Variants in SYNDIG1 observed in about 807,000 individuals in gnomAD.
SYNDIG1 encodes the protein synapse differentiation-inducing gene protein 1.
Under a neutral mutation model 19.4 loss-of-function variants are expected in SYNDIG1, and 9 were observed. The observed-to-expected ratio is 0.46, with a 90% CI of 0.28 to 0.81. SYNDIG1 has a LOEUF of 0.81. Among genes scored for constraint, SYNDIG1 ranks in the 30% least tolerant of loss-of-function variants. SYNDIG1 has a pLI of 0.12. For missense variants in SYNDIG1, 311 were observed against 343.3 expected (o/e 0.91, Z 0.74); for synonymous variants, 141 against 145.9 (o/e 0.97, Z 0.24).
intron 2 of SYNDIG1, among the ~76,000 whole-genome samples, chr20:24,578,387 G>A (rs1258248094): frequency 2.0e-5 from 3 of 150,726 alleles, no homozygotes; most frequent in Non-Finnish European, 2.9e-5. Flanking sequence ...AGGTTGCAGC[G>A]AGCCCCAATC....
intron 1 of SYNDIG1, among the ~76,000 whole-genome samples, chr20:24,495,017 A>T (rs891058319): frequency 1.3e-5 from 2 of 152,240 alleles, no homozygotes; most frequent in African/African-American, 4.8e-5. Flanking sequence ...GGTAGAACTC[A>T]GTTACAAGAA....
intron 1 of SYNDIG1, chr20:24,495,741 G>A (rs1182574563): frequency 6.6e-6 from 1 of 152,268 alleles, no homozygotes; most frequent in Non-Finnish European, 1.5e-5. Flanking sequence ...GTACTCACAT[G>A]GGATCACATT....
intron 1 of SYNDIG1, among the ~76,000 whole-genome samples, chr20:24,530,797 T>G (rs947117196): frequency 5.3e-5 from 8 of 151,528 alleles, no homozygotes; most frequent in African/African-American, 2.0e-4. Flanking sequence ...GTTTGTTTGT[T>G]TTTTGGGTTT....
chr20:24,537,987 C>T (rs999563647), intron 1 of SYNDIG1, among the ~76,000 whole-genome samples: 1 of 152,150 alleles, frequency 6.6e-6, no homozygotes, highest in South Asian at 2.1e-4. Flanking sequence ...TGATTTTAAA[C>T]AAGTCCCAGA....
At chr20:24,660,813 G>A (rs2059576144) in intron 3 of SYNDIG1, among the ~76,000 whole-genome samples, 1 of 152,208 alleles carries the variant, frequency 6.6e-6, no homozygotes, top group Non-Finnish European at 1.5e-5. Context: ...TCTGGTCCCT[G>A]GAGAACACCT....
intron 1 of SYNDIG1, among the ~76,000 whole-genome samples, chr20:24,530,011 T>TTCCCAGTGATAGTGTCAGTGGTGGG (rs1568614839): frequency 1.7e-3 from 88 of 51,366 alleles, no homozygotes; most frequent in South Asian, 6.3e-3. Flanking sequence ...GTGGGGATAA[T>TTCCCAGTGATAGTGTCAGTGGTGGG]GATGGTGATG....
chr20:24,498,517 C>G (rs2056358016), intron 1 of SYNDIG1, among the ~76,000 whole-genome samples: 1 of 152,200 alleles, frequency 6.6e-6, no homozygotes, highest in African/African-American at 2.4e-5. Context: ...ATTCCCATCT[C>G]CCGTTCCCTG....
intron 3 of SYNDIG1, among the ~76,000 whole-genome samples, chr20:24,651,587 A>G (rs901954095): frequency 4.6e-5 from 7 of 152,230 alleles, no homozygotes; most frequent in East Asian, 1.9e-4. Flanking sequence ...CTAATACAAA[A>G]TGAGCTAAGG....
chr20:24,532,072 AC>A (rs2057271839), intron 1 of SYNDIG1, among the ~76,000 whole-genome samples: 1 of 151,698 alleles, frequency 6.6e-6, no homozygotes, highest in South Asian at 2.1e-4. Context: ...CCATTCCCTC[AC>A]CCCAGAGGTA....
At chr20:24,587,600 A>G (rs1421364099) in intron 3 of SYNDIG1, among the ~76,000 whole-genome samples, 2 of 152,238 alleles carry the variant, frequency 1.3e-5, no homozygotes, top group Non-Finnish European at 2.9e-5. Flanking sequence ...AACAGATGCA[A>G]TCTGAGAATC....
chr20:24,483,938 G>A (rs1350717922), intron 1 of SYNDIG1, among the ~76,000 whole-genome samples: 1 of 152,192 alleles, frequency 6.6e-6, no homozygotes, highest in Non-Finnish European at 1.5e-5. Flanking sequence ...AGAGTGACTA[G>A]CCTGGAGGAG....
At chr20:24,550,166 T>A (rs2057676969) in intron 2 of SYNDIG1, among the ~76,000 whole-genome samples, 1 of 152,228 alleles carries the variant, frequency 6.6e-6, no homozygotes, top group East Asian at 1.9e-4. Context: ...TTCTACCCAG[T>A]ATTTCCCTGA....
Position 24,665,461 on chromosome 20 carries a change from C to G in SYNDIG1, c.734C>G (p.Ala245Gly), listed in dbSNP as rs2059639739. The change falls in exon 4 of 4, where the codon GCC (alanine) becomes GGC (glycine). Residue 245 changes from alanine to glycine, a missense_variant. Ala to Gly is a moderately conservative substitution (Grantham distance 60). Transcript: ENST00000376862. ...GGGACTGGCGTCTATGTGGGCGTGG[C>G]CGTGGCCCTCATCGCCTACCTCTCC... ...TIGTGVYVGV[A>G]VALIAYLSKN... The G allele has an allele frequency of 6.2e-7, 1 of 1,614,026 alleles. No homozygotes were observed. Among genetic ancestry groups the G allele is most frequent in the Non-Finnish European group, 8.5e-7 (1 of 1,179,988 alleles).
chr20:24,484,048 T>C (rs2055883620), intron 1 of SYNDIG1, among the ~76,000 whole-genome samples: 1 of 152,102 alleles, frequency 6.6e-6, no homozygotes, highest in Non-Finnish European at 1.5e-5. Flanking sequence ...GACTTCAGAA[T>C]TCCGTCTGCA....
intron 3 of SYNDIG1, among the ~76,000 whole-genome samples, chr20:24,663,911 C>T (rs966968047): frequency 4.6e-5 from 7 of 152,078 alleles, no homozygotes; most frequent in East Asian, 1.9e-4. Context: ...AAGATGTGGG[C>T]GTGTGTGGGA....
chr20:24,662,166 T>C (rs1198322791), intron 3 of SYNDIG1, among the ~76,000 whole-genome samples: 2 of 151,770 alleles, frequency 1.3e-5, no homozygotes, highest in Non-Finnish European at 2.9e-5. Context: ...CGGTGACAAC[T>C]TCAGCTAAAG....
intron 3 of SYNDIG1, among the ~76,000 whole-genome samples, chr20:24,585,392 G>A (rs1207628504): frequency 6.6e-6 from 1 of 152,178 alleles, no homozygotes; most frequent in Admixed American, 6.5e-5. Context: ...CTTAATGAGA[G>A]AGGAGAAAAG....
intron 3 of SYNDIG1, among the ~76,000 whole-genome samples, chr20:24,637,834 C>T (rs961086120): frequency 6.6e-6 from 1 of 152,178 alleles, no homozygotes; most frequent in Non-Finnish European, 1.5e-5. Flanking sequence ...TGGCTCCCTT[C>T]GAGTCTCCCC....
At chr20:24,555,624 T>G (rs1382101808) in intron 2 of SYNDIG1, among the ~76,000 whole-genome samples, 2 of 152,186 alleles carry the variant, frequency 1.3e-5, no homozygotes, top group African/African-American at 2.4e-5. Context: ...TTTGAGTGAG[T>G]TTCTTAATCC....
Sources: gnomAD v4.1 joint callset for allele counts (sites outside exome capture counted in the v4.1 genomes callset) on GRCh38, gnomAD v4.1.1 for gene constraint, MANE v1.5 for transcripts, NCBI Gene and HGNC (gene_info 2026-07-23, HGNC 2026-07-21) for gene names.